Variants in IQCB1 observed in about 807,000 individuals in gnomAD.
IQCB1 encodes the protein IQ calmodulin-binding motif-containing protein 1.
A neutral mutation model predicts 84.4 loss-of-function variants in IQCB1; 56 were observed. That is an observed-to-expected ratio of 0.66 (90% confidence interval 0.54 to 0.83). The LOEUF is 0.83. Ranked by LOEUF, IQCB1 falls within the 40% of genes least tolerant of loss-of-function variation. IQCB1 has a pLI of 0.00. For missense variants in IQCB1, 629 were observed against 682.1 expected (o/e 0.92, Z 0.87); for synonymous variants, 210 against 234.8 (o/e 0.89, Z 0.96).
chr3:121,775,963 T>C (rs563384760), intron 13 of IQCB1, among the ~76,000 whole-genome samples: 3 of 152,336 alleles, frequency 2.0e-5, no homozygotes, highest in African/African-American at 7.2e-5. Flanking sequence ...TTTTAGAATT[T>C]ACATAAAGGG....
At chr3:121,816,675 C>A (rs1168648262) in intron 5 of IQCB1, among the ~76,000 whole-genome samples, 3 of 152,170 alleles carry the variant, frequency 2.0e-5, no homozygotes, top group Admixed American at 2.0e-4. Context: ...CTCATCATTA[C>A]TGGTCACTAG....
chr3:121,826,321 T>C (rs1950465836), intron 4 of IQCB1, 141 bp from the exon 5 acceptor site: 1 of 817,330 alleles, frequency 1.2e-6, no homozygotes, highest in Admixed American at 2.2e-5. Flanking sequence ...GAAAAATTAG[T>C]CTAACAACTT....
chr3:121,770,623 G>T, intron 14 of IQCB1, 49 bp from the exon 15 acceptor site: 1 of 1,429,746 alleles, frequency 7.0e-7, no homozygotes, highest in Non-Finnish European at 9.8e-7. Context: ...CCTATGCCAA[G>T]CAGGTAGGAA....
rs1559804888 is a variant in IQCB1, at chr3:121,828,950, G to A, written c.11C>T (p.Thr4Ile). 1.2e-6 allele frequency: 2 copies of A among 1,607,740 alleles called. No homozygotes were observed. The highest frequency in any genetic ancestry group is 2.2e-5 in the East Asian group (1 of 44,766). The change falls in exon 3 of 15, where the codon ACA (threonine) becomes ATA (isoleucine). Residue 4 changes from threonine to isoleucine, a missense_variant. By Grantham distance (89) the Thr-to-Ile change is moderately conservative (BLOSUM62 -1). Transcript: ENST00000310864. MKP[T>I]GTDPRILSIA... ...AGATAAGATCCTTGGGTCTGTACCT[G>A]TTGGCTTCATTTCTCTTATTACCTA...
chr3:121,778,985 T>G (rs1948364090), intron 13 of IQCB1, among the ~76,000 whole-genome samples: 2 of 152,064 alleles, frequency 1.3e-5, no homozygotes, highest in South Asian at 2.1e-4. Flanking sequence ...ATTTAAAAAT[T>G]TTTTTACACA....
intron 12 of IQCB1, among the ~76,000 whole-genome samples, chr3:121,784,549 T>A (rs1948632833): frequency 1.3e-5 from 2 of 152,250 alleles, no homozygotes; most frequent in South Asian, 2.1e-4. Flanking sequence ...GCAATGTTTG[T>A]ATTCTATCAA....
At chr3:121,786,041 C>G (rs1576550847) in intron 12 of IQCB1, among the ~76,000 whole-genome samples, 1 of 141,718 alleles carries the variant, frequency 7.1e-6, no homozygotes, top group South Asian at 2.2e-4. Context: ...CCTGGTGGTG[C>G]AAGCCTGTAG....
At chr3:121,821,159 T>A (rs1033368905) in intron 5 of IQCB1, among the ~76,000 whole-genome samples, 1 of 152,036 alleles carries the variant, frequency 6.6e-6, no homozygotes, top group East Asian at 1.9e-4. Context: ...CTTGGCTAGG[T>A]CTTGCTATGT....
At chr3:121,775,039 G>A (rs764191038) in intron 13 of IQCB1, among the ~76,000 whole-genome samples, 1 of 152,132 alleles carries the variant, frequency 6.6e-6, no homozygotes, top group Admixed American at 6.6e-5. Context: ...GATTAAATTT[G>A]TAAATGATTA....
chr3:121,832,426 C>T (rs1248341192), intron 2 of IQCB1, among the ~76,000 whole-genome samples: 1 of 150,920 alleles, frequency 6.6e-6, no homozygotes, highest in Non-Finnish European at 1.5e-5. Context: ...CTCCTGGGTT[C>T]AAGTGATTTC....
At chr3:121,796,199 C>T (rs562880330) in intron 9 of IQCB1, among the ~76,000 whole-genome samples, 10 of 152,112 alleles carry the variant, frequency 6.6e-5, no homozygotes, top group Admixed American at 3.3e-4. Flanking sequence ...TCTAAACTCA[C>T]GATGGTTCAT....
chr3:121,821,334 G>A (rs1950266793), intron 5 of IQCB1, among the ~76,000 whole-genome samples: 1 of 152,190 alleles, frequency 6.6e-6, no homozygotes, highest in South Asian at 2.1e-4. Flanking sequence ...ACTCAAAGAT[G>A]TCATACTTAT....
In IQCB1 at chr3:121,799,343, G is replaced by T; in HGVS notation, c.619C>A (p.Leu207Met). 1 of 1,598,472 alleles carries T rather than the reference G, an allele frequency of 6.3e-7. No homozygotes were observed. The highest frequency in any genetic ancestry group is 1.1e-5 in the South Asian group (1 of 90,336). ...ATAACTTCATCTAAAATTGAATACA[G>T]GGCTTTTCTTCCTATTCTGAGTAAA... ...GDLLRIGRKALYSILDEVIFK... is the reference protein window; with the variant it reads ...GDLLRIGRKAMYSILDEVIFK... Residue 207 changes from leucine to methionine, a missense_variant, in exon 8 of 15, where the codon CTG becomes ATG. Coordinates refer to ENST00000310864, the MANE Select transcript of IQCB1 (RefSeq NM_001023570.4).
At chr3:121,802,201 G>T (rs1490568390) in intron 7 of IQCB1, among the ~76,000 whole-genome samples, 1 of 152,002 alleles carries the variant, frequency 6.6e-6, no homozygotes, top group East Asian at 1.9e-4. Flanking sequence ...GTTTGCTTAA[G>T]ATTATTATTT....
At chr3:121,803,826 T>G (rs1432458367) in intron 7 of IQCB1, among the ~76,000 whole-genome samples, 5 of 152,198 alleles carry the variant, frequency 3.3e-5, no homozygotes, top group Non-Finnish European at 7.4e-5. Flanking sequence ...TTAACCTACT[T>G]GTGTCTTTAT....
intron 5 of IQCB1, among the ~76,000 whole-genome samples, chr3:121,810,702 T>C (rs1354491581): frequency 6.6e-6 from 1 of 152,152 alleles, no homozygotes; most frequent in African/African-American, 2.4e-5. Context: ...GAGCTATTAA[T>C]GGGACAGAAA....
chr3:121,789,273 C>A (rs1020313521), intron 11 of IQCB1, among the ~76,000 whole-genome samples: 1 of 152,160 alleles, frequency 6.6e-6, no homozygotes, highest in African/African-American at 2.4e-5. Flanking sequence ...AGTGCACTAG[C>A]CATATTTCAA....
chr3:121,782,103 G>A (rs1282311700), intron 12 of IQCB1, among the ~76,000 whole-genome samples: 1 of 152,088 alleles, frequency 6.6e-6, no homozygotes, highest in Non-Finnish European at 1.5e-5. Context: ...TGTGCAGTAA[G>A]CAATGAAGAG....
intron 10 of IQCB1, among the ~76,000 whole-genome samples, chr3:121,791,969 T>C (rs1481562903): frequency 6.6e-5 from 10 of 152,114 alleles, no homozygotes. Flanking sequence ...TGTGCACTTG[T>C]AGTCCCAGCT....
Sources: gnomAD v4.1 joint callset for allele counts (sites outside exome capture counted in the v4.1 genomes callset) on GRCh38, gnomAD v4.1.1 for gene constraint, MANE v1.5 for transcripts, NCBI Gene and HGNC (gene_info 2026-07-23, HGNC 2026-07-21) for gene names.